The following ZBTB16 variants were observed in gnomAD, a reference collection of about 807,000 sequenced individuals.
ZBTB16 encodes the protein zinc finger and BTB domain-containing protein 16.
Under a neutral mutation model 56.8 loss-of-function variants are expected in ZBTB16, and 8 were observed. The observed-to-expected ratio is 0.14, with a 90% CI of 0.08 to 0.25. The LOEUF is 0.25. Ranked by LOEUF, ZBTB16 falls within the 10% of genes least tolerant of loss-of-function variation. The pLI, the probability that ZBTB16 is intolerant of heterozygous loss-of-function variation, is 1.00. For missense variants in ZBTB16, 625 were observed against 903.0 expected (o/e 0.69, Z 3.95); for synonymous variants, 363 against 368.5 (o/e 0.98, Z 0.17).
At chr11:114,190,799 A>T (rs1943475383) in intron 4 of ZBTB16, among the ~76,000 whole-genome samples, 1 of 152,076 alleles carries the variant, frequency 6.6e-6, no homozygotes, top group Admixed American at 6.6e-5. Context: ...ACACAAACAG[A>T]GTGACGTGCC....
At chr11:114,141,610 C>T (rs543953980) in intron 2 of ZBTB16, among the ~76,000 whole-genome samples, 31 of 152,188 alleles carry the variant, frequency 2.0e-4, no homozygotes, top group Non-Finnish European at 4.3e-4. Flanking sequence ...GTCTGCTTGA[C>T]AGATGAGAAA....
chr11:114,140,250 G>C (rs1333874809), intron 2 of ZBTB16, among the ~76,000 whole-genome samples: 1 of 152,142 alleles, frequency 6.6e-6, no homozygotes, highest in East Asian at 1.9e-4. Flanking sequence ...CCAGGCATGA[G>C]CCCCCCTCCT....
chr11:114,222,526 G>A (rs949595330), intron 4 of ZBTB16, among the ~76,000 whole-genome samples: 1 of 152,052 alleles, frequency 6.6e-6, no homozygotes, highest in Non-Finnish European at 1.5e-5. Context: ...TAAATCCCTG[G>A]GGGCTGCCTG....
intron 4 of ZBTB16, among the ~76,000 whole-genome samples, chr11:114,226,238 G>C (rs1439879611): frequency 1.3e-5 from 2 of 152,166 alleles, no homozygotes; most frequent in Non-Finnish European, 1.5e-5. Flanking sequence ...CTGTTCCCCA[G>C]GGGAAATAAA....
rs1942848471 is a variant in ZBTB16 at position 114,168,254 on chromosome 11, G to T, written c.1366+11820G>T. ...TGGTAAGGAACAGACCTGAGGTGCT[G>T]CCTGCTTCCCTCCAGCCCCAGGAGT... On this transcript the variant is annotated intron_variant, in intron 3 of 6. Coordinates refer to ENST00000335953, the MANE Select transcript of ZBTB16 (RefSeq NM_006006.6). 2.0e-5 allele frequency among the ~76,000 whole-genome samples: 3 copies of T among 152,212 alleles called. No individual in the cohort carries two copies. In the South Asian group the frequency reaches 6.2e-4, roughly 32 times the overall value.
chr11:114,084,963 AG>A (rs1048198110), intron 2 of ZBTB16, among the ~76,000 whole-genome samples: 4 of 152,206 alleles, frequency 2.6e-5, no homozygotes, highest in African/African-American at 9.6e-5. Context: ...TCAATGATTG[AG>A]GACTCTTGTC....
At chr11:114,135,097 G>C in intron 2 of ZBTB16, among the ~76,000 whole-genome samples, 1 of 152,232 alleles carries the variant, frequency 6.6e-6, no homozygotes, top group Non-Finnish European at 1.5e-5. Flanking sequence ...TGCACACACA[G>C]AGACAGATAC....
At chr11:114,171,438 G>A (rs2135011693) in intron 3 of ZBTB16, among the ~76,000 whole-genome samples, 1 of 152,308 alleles carries the variant, frequency 6.6e-6, no homozygotes, top group Non-Finnish European at 1.5e-5. Context: ...GTGCCCTTTG[G>A]ACGGGGCCCT....
chr11:114,156,313 CCT>C lies in ZBTB16; in HGVS notation c.1269-19_1269-18del, dbSNP rs1215566998. Reference sequence around the variant, plus strand: ...TCTTGTCCAGCCAGAGCAGCAGCAACCTCTCTTTTCCTTTCCCTTACAGGAAG... The same window carrying C: ...TCTTGTCCAGCCAGAGCAGCAGCAACCTCTTTTCCTTTCCCTTACAGGAAG... On this transcript the variant is annotated intron_variant, in intron 2 of 6. Coordinates refer to ENST00000335953, the MANE Select transcript of ZBTB16 (RefSeq NM_006006.6). 5 of 1,613,212 alleles carry C rather than the reference CCT, an allele frequency of 3.1e-6. No individual in the cohort carries two copies. In the African/African-American group the frequency reaches 6.7e-5, roughly 22 times the overall value.
chr11:114,191,523 G>A (rs1943492786), intron 4 of ZBTB16, among the ~76,000 whole-genome samples: 1 of 152,160 alleles, frequency 6.6e-6, no homozygotes. Flanking sequence ...TAGCCTAGAA[G>A]CTACCCACTA....
chr11:114,092,150 C>G lies in ZBTB16; in HGVS notation c.1268+27582C>G, dbSNP rs556850868. On this transcript the variant is annotated intron_variant, in intron 2 of 6. Transcript: ENST00000335953. ...TATTTACAGTGCTCTCTTTCACGGCCTCACTGAAACAGGAGACCCGAGAGG... is the reference window on the plus strand; with the variant it reads ...TATTTACAGTGCTCTCTTTCACGGCGTCACTGAAACAGGAGACCCGAGAGG... Among the ~76,000 whole-genome samples the G allele has an allele frequency of 2.0e-5, 3 of 152,328 alleles. No homozygotes were observed. In the East Asian group the frequency reaches 5.8e-4, roughly 29 times the overall value.
intron 4 of ZBTB16, among the ~76,000 whole-genome samples, chr11:114,233,744 G>T (rs1341840645): frequency 1.3e-5 from 2 of 150,296 alleles, no homozygotes; most frequent in East Asian, 2.0e-4. Flanking sequence ...CTTTTATTGT[G>T]CAGGTCTCAA....
intron 2 of ZBTB16, chr11:114,121,835 T>A (rs1431387522): frequency 2.2e-6 from 1 of 455,836 alleles, no homozygotes; most frequent in Non-Finnish European, 4.4e-6. Context: ...TAGCATAACC[T>A]TTGTTCCTGT....
At chr11:114,241,317 G>T (rs1291848311) in intron 4 of ZBTB16, among the ~76,000 whole-genome samples, 1 of 152,000 alleles carries the variant, frequency 6.6e-6, no homozygotes, top group Non-Finnish European at 1.5e-5. Context: ...CCCCAGCCCT[G>T]CCACTTACGA....
intron 3 of ZBTB16, among the ~76,000 whole-genome samples, chr11:114,159,530 G>A (rs1247700420): frequency 1.3e-5 from 2 of 152,144 alleles, no homozygotes; most frequent in East Asian, 1.9e-4. Context: ...CGTGCTGAGA[G>A]GTCTTGAAAA....
intron 2 of ZBTB16, among the ~76,000 whole-genome samples, chr11:114,097,470 G>A (rs915440306): frequency 3.3e-5 from 5 of 152,028 alleles, no homozygotes; most frequent in African/African-American, 1.2e-4. Flanking sequence ...TAGTTACATA[G>A]TTTTACTACA....
intron 2 of ZBTB16, among the ~76,000 whole-genome samples, chr11:114,085,450 C>T (rs952472897): frequency 6.6e-6 from 1 of 151,950 alleles, no homozygotes; most frequent in African/African-American, 2.4e-5. Flanking sequence ...TTAATAAATC[C>T]CTGTAAGAGT....
intron 2 of ZBTB16, among the ~76,000 whole-genome samples, chr11:114,137,431 AC>A (rs1393197971): frequency 6.6e-6 from 1 of 152,236 alleles, no homozygotes; most frequent in African/African-American, 2.4e-5. Context: ...CACCAATGGC[AC>A]TTCCCGTGTC....
chr11:114,168,514 A>G (rs559180196), intron 3 of ZBTB16, among the ~76,000 whole-genome samples: 61 of 152,338 alleles, frequency 4.0e-4, no homozygotes, highest in African/African-American at 1.5e-3. Context: ...TCTTTCTTCA[A>G]CTTTGGAAGA....
Sources: allele counts gnomAD v4.1 joint callset (sites outside exome capture counted in the v4.1 genomes callset), GRCh38; gene constraint gnomAD v4.1.1; transcripts MANE v1.5; gene names NCBI Gene and HGNC (gene_info 2026-07-23, HGNC 2026-07-21).